Variants in MARK4 observed in about 807,000 individuals in gnomAD.
MARK4 encodes MAP/microtubule affinity-regulating kinase 4.
MARK4 carries 19 observed loss-of-function variants against 81.5 expected under a neutral mutation model. The observed-to-expected ratio is 0.23, with a 90% confidence interval of 0.16 to 0.34. MARK4 has a LOEUF of 0.34. MARK4 is among the 10% of genes least tolerant of loss of function. The pLI is 1.00. For missense variants in MARK4, 772 were observed against 1,058.8 expected (o/e 0.73, Z 3.76); for synonymous variants, 436 against 439.0 (o/e 0.99, Z 0.08).
chr19:45,259,436 G>A (rs35084628), intron 2 of MARK4, among the ~76,000 whole-genome samples: 33,134 of 152,098 alleles, frequency 0.22, 4,035 homozygotes, highest in Non-Finnish European at 0.29. Flanking sequence ...CAATGTGTGC[G>A]TTGCTAAGGA....
chr19:45,257,001 T>C (rs1402634684), intron 1 of MARK4, among the ~76,000 whole-genome samples: 3 of 152,148 alleles, frequency 2.0e-5, no homozygotes, highest in Non-Finnish European at 4.4e-5. Context: ...TTGCCCAGGC[T>C]GGAGTGCAGT....
chr19:45,302,228 T>G lies in MARK4; in HGVS notation c.1923-146T>G. The stretch of plus-strand genomic sequence containing the variant: ...CTAGCTGGGCAGCTCTGTATCCAGT[T>G]GAAACTGTCGCTGGGGTAACAGGGG... On this transcript the variant is annotated intron_variant, in intron 16 of 16. Coordinates refer to ENST00000262891, the MANE Select transcript of MARK4 (RefSeq NM_001199867.2). The surrounding 1 kb of genome is among the most constrained non-coding windows in gnomAD (Gnocchi z 4.9). The G allele has an allele frequency of 6.5e-7, 1 of 1,528,476 alleles. No individual in the cohort carries two copies. The allele number at this position is 1,528,476 out of a possible 1,614,324, so 94.7% of individuals were successfully genotyped here.
chr19:45,299,241 G>A (rs937704417), intron 15 of MARK4, among the ~76,000 whole-genome samples: 1 of 151,870 alleles, frequency 6.6e-6, no homozygotes, highest in East Asian at 1.9e-4. Context: ...TGGGCAATGT[G>A]GCAAAGCCCC....
chr19:45,276,090 A>G (rs559048307), intron 8 of MARK4, among the ~76,000 whole-genome samples: 4 of 152,256 alleles, frequency 2.6e-5, no homozygotes, highest in Admixed American at 2.0e-4. Context: ...GCAGTGGTGC[A>G]GTCACAGCTC....
At chr19:45,295,306 C>T (rs1443939638) in intron 14 of MARK4, among the ~76,000 whole-genome samples, 1 of 151,976 alleles carries the variant, frequency 6.6e-6, no homozygotes, top group African/African-American at 2.4e-5. Flanking sequence ...TTGCAGTGAG[C>T]CGAGATCACG....
rs979192616 is a variant in MARK4 at position 45,287,509 on chromosome 19, C to G, written c.1339C>G (p.Leu447Val). ...RSPTSTGEAELKEERLPGRKA... is the reference protein window; with the variant it reads ...RSPTSTGEAEVKEERLPGRKA... ...CCCGACGAGCACGGGGGAGGCGGAG[C>G]TGAAGGAGGAGCGGCTGCCAGGCCG... The change falls in exon 13 of 17, where the codon CTG becomes GTG. Residue 447 changes from leucine (L) to valine (V), a missense_variant. Physicochemically the swap from Leu to Val is conservative, Grantham distance 32. Transcript: ENST00000262891. 8 of 1,548,304 alleles carry G rather than the reference C, an allele frequency of 5.2e-6. No homozygotes were observed. In the African/African-American group the frequency reaches 5.4e-5, roughly 11 times the overall value.
chr19:45,272,520 G>A (rs191971046), intron 8 of MARK4, among the ~76,000 whole-genome samples: 1 of 151,874 alleles, frequency 6.6e-6, no homozygotes, highest in African/African-American at 2.4e-5. Context: ...CCTGAGGCTG[G>A]GGGGGAGGAG....
chr19:45,269,145 G>A (rs189594003), intron 7 of MARK4, among the ~76,000 whole-genome samples: 151 of 152,262 alleles, frequency 9.9e-4, no homozygotes, highest in Admixed American at 2.0e-3. Flanking sequence ...TTGGGAGGCC[G>A]AGGTGGGCGG....
intron 15 of MARK4, 128 bp from the exon 16 acceptor site, chr19:45,299,683 C>T: frequency 1.5e-6 from 1 of 686,868 alleles, no homozygotes; most frequent in Non-Finnish European, 2.3e-6. Flanking sequence ...ATCCTGACTC[C>T]AGGCCCTCAC....
Position 45,297,838 on chromosome 19 carries a change from G to A in MARK4, c.1761G>A (p.Val587=). The A allele has an allele frequency of 1.3e-6, 2 of 1,545,714 alleles. No homozygotes were observed. Among genetic ancestry groups the A allele is most frequent in the Non-Finnish European group, 1.7e-6 (2 of 1,144,668 alleles). Residue 587 remains valine (V), a synonymous_variant, in exon 15 of 17, where the codon GTG becomes GTA. Transcript: ENST00000262891. The part of the protein sequence containing the change: ...RRAGGGGGGG[V]QNGPPASPTL... ...CAGGGGGTGGGGGTGGTGGGGGTGT[G>A]CAGAATGGGCCCCCTGCCTCTCCCA...
In MARK4 at chr19:45,294,440, G is replaced by A; in HGVS notation, c.1586G>A (p.Gly529Glu). ...GAGCGCCCGTCACTGTTGCCAAATG[G>A]GAAAGAAAACAGGTACGGAGGGGGC... Reference protein sequence around the residue: ...GAERPSLLPNGKENSSGTPRV... With the variant: ...GAERPSLLPNEKENSSGTPRV... The change falls in exon 14 of 17, where the codon GGG becomes GAG. Residue 529 changes from glycine (G) to glutamate (E), a missense_variant. Physicochemically the swap from Gly to Glu is moderately conservative, Grantham distance 98. Coordinates refer to ENST00000262891, the MANE Select transcript of MARK4 (RefSeq NM_001199867.2). The A allele has an allele frequency of 6.2e-7, 1 of 1,614,068 alleles. No homozygotes were observed. Among genetic ancestry groups the A allele is most frequent in the Non-Finnish European group, 8.5e-7 (1 of 1,180,012 alleles).
intron 1 of MARK4, among the ~76,000 whole-genome samples, chr19:45,254,309 G>A (rs888571238): frequency 7.9e-5 from 12 of 152,248 alleles, no homozygotes; most frequent in African/African-American, 2.9e-4. Context: ...GCTGCCCCTC[G>A]CAGGGGTCCC....
Position 45,251,469 on chromosome 19 carries a change from C to G in MARK4, c.-120C>G. The G allele has an allele frequency of 1.9e-6, 1 of 533,194 alleles. No individual in the cohort carries two copies. 33.0% of individuals were successfully genotyped at this position (533,194 alleles called of 1,614,324 possible). A position where few individuals can be genotyped will look rare whatever the true frequency, so the allele number is the denominator to read the frequency against. ...CTCCCGCCGCGCGGACCCGGGCGTTCTCGGCGCCCAGCTTTTGAGCTCGCG... is the reference window on the plus strand; with the variant it reads ...CTCCCGCCGCGCGGACCCGGGCGTTGTCGGCGCCCAGCTTTTGAGCTCGCG... On this transcript the variant is annotated 5_prime_UTR_variant, in exon 1 of 17. Coordinates refer to ENST00000262891, the MANE Select transcript of MARK4 (RefSeq NM_001199867.2).
chr19:45,288,088 C>T, intron 13 of MARK4: 1 of 230,628 alleles, frequency 4.3e-6, no homozygotes, highest in South Asian at 5.4e-5. Flanking sequence ...ATTAGCCAGG[C>T]ATCATGTTAT....
intron 2 of MARK4, among the ~76,000 whole-genome samples, chr19:45,260,738 AT>A (rs1970370668): frequency 6.6e-6 from 1 of 152,130 alleles, no homozygotes; most frequent in Non-Finnish European, 1.5e-5. Context: ...TAAATTAAAA[AT>A]AAAAAATAAA....
intron 7 of MARK4, among the ~76,000 whole-genome samples, chr19:45,267,314 C>T (rs577616668): frequency 2.0e-5 from 3 of 152,246 alleles, no homozygotes; most frequent in South Asian, 4.1e-4. Context: ...CTGCCTCGGT[C>T]TCCTAGAGTG....
At chr19:45,301,399 AC>A (rs1232024124) in intron 16 of MARK4, among the ~76,000 whole-genome samples, 1 of 151,614 alleles carries the variant, frequency 6.6e-6, no homozygotes, top group Non-Finnish European at 1.5e-5. Context: ...CTCCGTCTCT[AC>A]TAAAAATACA....
chr19:45,251,711 C>T (rs1409724338), intron 1 of MARK4, 72 bp downstream of exon 1: 9 of 1,379,814 alleles, frequency 6.5e-6, no homozygotes, highest in Admixed American at 2.7e-5. Flanking sequence ...CGTTGTACCC[C>T]TCGCCCCGCG....
chr19:45,280,249 CT>C, intron 10 of MARK4, 124 bp from the exon 11 acceptor site: 3 of 804,426 alleles, frequency 3.7e-6, no homozygotes, highest in Non-Finnish European at 6.3e-6. Context: ...CTGCAGTGAG[CT>C]GTGACCGTGC....
Sources: allele counts gnomAD v4.1 joint callset (sites outside exome capture counted in the v4.1 genomes callset), GRCh38; gene constraint gnomAD v4.1.1; non-coding constraint Gnocchi (gnomAD v3.1); transcripts MANE v1.5; gene names NCBI Gene and HGNC (gene_info 2026-07-23, HGNC 2026-07-21).